Variants in DIAPH2 observed in about 807,000 individuals in gnomAD.
DIAPH2 encodes protein diaphanous homolog 2.
In DIAPH2, 35 loss-of-function variants were observed where a neutral mutation model predicts 92.7. The ratio of observed to expected loss-of-function variants is 0.38; its 90% CI spans 0.29 to 0.50. DIAPH2 has a LOEUF of 0.50. DIAPH2 is among the 20% of genes least tolerant of loss of function. The pLI is 0.94. For synonymous variants in DIAPH2, 301 were observed against 280.4 expected (o/e 1.07, Z -0.73); for missense variants, 701 against 819.5 (o/e 0.86, Z 1.77).
chrX:96,764,605 T>A (rs1188527708), intron 4 of DIAPH2, among the ~76,000 whole-genome samples: 1 of 111,698 alleles, frequency 9.0e-6, no homozygotes, highest in Non-Finnish European at 1.9e-5. Flanking sequence ...GTTCTCAAAC[T>A]GGAAAGTACA....
Position 96,912,290 on chromosome X carries a change from AACTT to A in DIAPH2, c.588-32_588-29del, listed in dbSNP as rs747110398. On this transcript the variant is annotated intron_variant, in intron 5 of 26. Coordinates refer to ENST00000324765, the MANE Select transcript of DIAPH2 (RefSeq NM_006729.5). Reference sequence around the variant, plus strand: ...GGATATTTAATGTTTTAAAATTACTAACTTACTTATACATCTAATTTTTTGTTTA... The same window carrying A: ...GGATATTTAATGTTTTAAAATTACTAACTTATACATCTAATTTTTTGTTTA... 5.6e-5 allele frequency: 58 copies of A among 1,027,453 alleles called. No individual in the cohort carries two copies. In the South Asian group the frequency reaches 1.2e-3, roughly 21 times the overall value. The allele number at this position is 1,027,453 out of a possible 1,213,427, so 84.7% of individuals were successfully genotyped here. A position where few individuals can be genotyped will look rare whatever the true frequency, so the allele number is the denominator to read the frequency against.
chrX:97,275,487 G>A (rs879186941), intron 23 of DIAPH2, among the ~76,000 whole-genome samples: 5 of 105,737 alleles, frequency 4.7e-5, no homozygotes, highest in African/African-American at 1.0e-4. Flanking sequence ...CAGATGGGGC[G>A]GCTGCCGGGC....
chrX:96,799,430 TGGATGA>T (rs1368419026), intron 4 of DIAPH2, among the ~76,000 whole-genome samples: 1 of 112,231 alleles, frequency 8.9e-6, no homozygotes, highest in Non-Finnish European at 1.9e-5. Flanking sequence ...CTTTTATAGA[TGGATGA>T]GGTGTGTTCG....
intron 22 of DIAPH2, 138 bp downstream of exon 22, chrX:97,141,932 C>T (rs1254307380): frequency 7.2e-6 from 5 of 694,330 alleles, no homozygotes; most frequent in East Asian, 7.9e-5. Flanking sequence ...AAATAGTTTC[C>T]ATTAGCTTAT....
At chrX:97,408,556 A>G (rs922687714) in intron 25 of DIAPH2, among the ~76,000 whole-genome samples, 2 of 111,552 alleles carry the variant, frequency 1.8e-5, no homozygotes, top group Non-Finnish European at 3.8e-5. Flanking sequence ...AATTTTAATT[A>G]TTAGAACAGA....
chrX:97,469,302 G>T (rs2070541385), intron 26 of DIAPH2, among the ~76,000 whole-genome samples: 1 of 111,927 alleles, frequency 8.9e-6, no homozygotes, highest in African/African-American at 3.2e-5. Context: ...TCACATTCAT[G>T]AATATGTATT....
intron 26 of DIAPH2, among the ~76,000 whole-genome samples, chrX:97,489,673 T>C (rs142332325): frequency 0.011 from 1,209 of 111,801 alleles, 11 homozygotes; most frequent in African/African-American, 0.037. Context: ...AAATGCTTTT[T>C]CTGCATCTAT....
At chrX:97,493,228 TTTTA>T (rs753338113) in intron 26 of DIAPH2, among the ~76,000 whole-genome samples, 10,417 of 110,090 alleles carry the variant, frequency 0.095, 758 homozygotes, top group African/African-American at 0.24. Flanking sequence ...GTTTGGTTAT[TTTTA>T]TTTATTTATT....
At chrX:97,057,974 TAA>T (rs747388371) in intron 17 of DIAPH2, among the ~76,000 whole-genome samples, 2 of 100,087 alleles carry the variant, frequency 2.0e-5, no homozygotes, top group Admixed American at 2.2e-4. Flanking sequence ...TTGTTGTCAG[TAA>T]AAAAAAAAAA....
chrX:96,923,784 C>T (rs2065562268), intron 9 of DIAPH2, among the ~76,000 whole-genome samples: 1 of 111,021 alleles, frequency 9.0e-6, no homozygotes, highest in African/African-American at 3.3e-5. Flanking sequence ...GGCTAGTAGC[C>T]CTGCACACTT....
intron 22 of DIAPH2, among the ~76,000 whole-genome samples, chrX:97,165,587 G>C (rs1021984528): frequency 9.1e-6 from 1 of 110,407 alleles, no homozygotes; most frequent in Non-Finnish European, 1.9e-5. Context: ...TCTGTCCCCC[G>C]GGCTCAAGGG....
chrX:97,478,968 G>A (rs2070630750), intron 26 of DIAPH2, among the ~76,000 whole-genome samples: 1 of 110,625 alleles, frequency 9.0e-6, no homozygotes, highest in South Asian at 3.8e-4. Context: ...TAATTTTTTG[G>A]TATATCAAAC....
chrX:96,954,838 G>A (rs1370388220), intron 15 of DIAPH2, among the ~76,000 whole-genome samples: 1 of 112,118 alleles, frequency 8.9e-6, no homozygotes, highest in Non-Finnish European at 1.9e-5. Flanking sequence ...TATTATTGGT[G>A]TTAGAAGCCA....
chrX:97,541,379 A>G lies in DIAPH2; in HGVS notation c.3242-57874A>G, dbSNP rs2071139161. On this transcript the variant is annotated intron_variant, in intron 26 of 26. Coordinates refer to ENST00000324765, the MANE Select transcript of DIAPH2 (RefSeq NM_006729.5). The stretch of plus-strand genomic sequence containing the variant: ...TAGAGGAATCATTATGAGATCACAA[A>G]GAAGTACTGTGATACCATAACTGAA... Among the ~76,000 whole-genome samples the G allele has an allele frequency of 3.6e-5, 4 of 111,990 alleles. No homozygotes were observed. In the South Asian group the frequency reaches 1.5e-3, roughly 42 times the overall value.
chrX:97,435,364 A>G (rs1023186736), intron 26 of DIAPH2, among the ~76,000 whole-genome samples: 1 of 111,693 alleles, frequency 9.0e-6, no homozygotes, highest in Non-Finnish European at 1.9e-5. Context: ...AGGAGCTCAC[A>G]TACTGTTTGG....
Position 96,958,083 on chromosome X carries a change from T to C in DIAPH2, c.1870T>C (p.Tyr624His). The change falls in exon 16 of 27, where the codon TAT (tyrosine) becomes CAT (histidine). Residue 624 changes from tyrosine to histidine, a missense_variant. Physicochemically the swap from Tyr to His is moderately conservative, Grantham distance 83. This residue lies in a region of DIAPH2 where 536 missense variants were observed against 599.3 expected (regional missense o/e 0.89). Transcript: ENST00000324765. ...PPPGISLNLPYGMKQKKMYKP... is the reference protein window; with the variant it reads ...PPPGISLNLPHGMKQKKMYKP... ...CCCAGGAATATCACTTAATCTACCTTATGGAATGAAGCAGAAAAAAATGTA... is the reference window on the plus strand; with the variant it reads ...CCCAGGAATATCACTTAATCTACCTCATGGAATGAAGCAGAAAAAAATGTA... The C allele has an allele frequency of 8.3e-7, 1 of 1,211,205 alleles. No homozygotes were observed. Among genetic ancestry groups the C allele is most frequent in the South Asian group, 1.8e-5 (1 of 56,905 alleles).
At chrX:97,006,981 A>G (rs2066187258) in intron 17 of DIAPH2, among the ~76,000 whole-genome samples, 1 of 111,573 alleles carries the variant, frequency 9.0e-6, no homozygotes, top group Admixed American at 9.5e-5. Context: ...TGCAAATAAT[A>G]TCTTATAACT....
intron 5 of DIAPH2, among the ~76,000 whole-genome samples, chrX:96,882,425 A>G (rs2065219703): frequency 9.0e-6 from 1 of 110,925 alleles, no homozygotes; most frequent in South Asian, 3.8e-4. Flanking sequence ...CTCTTCACAT[A>G]TTTCTGTAAT....
chrX:97,258,803 G>A (rs868219520), intron 23 of DIAPH2, among the ~76,000 whole-genome samples: 5 of 101,461 alleles, frequency 4.9e-5, no homozygotes, highest in East Asian at 6.2e-4. Flanking sequence ...CCCGGGAGGC[G>A]GAGCTTGCTG....
Sources: gnomAD v4.1 joint callset for allele counts (sites outside exome capture counted in the v4.1 genomes callset) on GRCh38, gnomAD v4.1.1 for gene constraint, gnomAD v4.1.1 regional missense constraint, MANE v1.5 for transcripts, NCBI Gene and HGNC (gene_info 2026-07-23, HGNC 2026-07-21) for gene names.